KMT2C: variants seen among roughly 807,000 people sequenced by gnomAD.
KMT2C encodes the protein lysine methyltransferase 2C.
In KMT2C, 88 loss-of-function variants were observed where a neutral mutation model predicts 507.9. The ratio of observed to expected loss-of-function variants is 0.17; its 90% CI spans 0.15 to 0.21. The LOEUF (loss-of-function observed/expected upper bound fraction) is 0.21. Ranked by LOEUF, KMT2C falls within the 10% of genes least tolerant of loss-of-function variation. The pLI, the probability that KMT2C is intolerant of heterozygous loss-of-function variation, is 1.00. For synonymous variants in KMT2C, 2,049 were observed against 2,080.8 expected (o/e 0.98, Z 0.42); for missense variants, 4,954 against 5,957.8 (o/e 0.83, Z 5.55).
intron 6 of KMT2C, among the ~76,000 whole-genome samples, chr7:152,284,332 G>A (rs1363121416): frequency 2.6e-5 from 4 of 151,982 alleles, no homozygotes; most frequent in African/African-American, 9.7e-5. Flanking sequence ...TTGACCAAGG[G>A]GCCAAGATAA....
intron 31 of KMT2C, among the ~76,000 whole-genome samples, chr7:152,191,435 T>C (rs1329671453): frequency 2.0e-5 from 3 of 152,236 alleles, no homozygotes; most frequent in Non-Finnish European, 4.4e-5. Flanking sequence ...AGCACAGTCC[T>C]ACTTGTTCTA....
intron 7 of KMT2C, among the ~76,000 whole-genome samples, chr7:152,273,421 C>T (rs1218635886): frequency 2.6e-5 from 4 of 152,058 alleles, no homozygotes; most frequent in Non-Finnish European, 5.9e-5. Context: ...TGCATAGTCC[C>T]TATTTACATC....
chr7:152,176,153 C>A, intron 38 of KMT2C, 38 bp downstream of exon 38: 2 of 1,526,054 alleles, frequency 1.3e-6, no homozygotes, highest in South Asian at 2.6e-5. Context: ...ACTCTAATAC[C>A]CATAGTAATA....
intron 1 of KMT2C, among the ~76,000 whole-genome samples, chr7:152,389,297 C>T (rs1284544660): frequency 6.9e-6 from 1 of 144,146 alleles, no homozygotes; most frequent in East Asian, 2.0e-4. Context: ...CCTGGGAGGC[C>T]GAGACTGCAG....
rs1191272660 is a variant in KMT2C at position 152,176,859 on chromosome 7, C to G, written c.8594G>C (p.Gly2865Ala). Residue 2865 changes from glycine to alanine, a missense_variant, in exon 38 of 59, where the codon GGA (glycine) becomes GCA (alanine). Around this residue, in one of 29 missense-constraint regions of KMT2C, gnomAD observed 1,689 missense variants for 1,654.3 expected, o/e 1.02. Coordinates refer to ENST00000262189, the MANE Select transcript of KMT2C (RefSeq NM_170606.3). ...ACAAGGATGCAAAGAAGTCTTTTCT[C>G]CATCATTTAGGTCTGAGTGAGCAGA... ...QASAHSDLND[G>A]EKTSLHPCDP... 6.2e-7 allele frequency: 1 copy of G among 1,614,158 alleles called. No homozygotes were observed. The highest frequency in any genetic ancestry group is 8.5e-7 in the Non-Finnish European group (1 of 1,180,018).
chr7:152,137,900 TGG>T (rs1329601989), intron 58 of KMT2C: 2 of 152,214 alleles, frequency 1.3e-5, no homozygotes, highest in African/African-American at 4.8e-5. Flanking sequence ...TAACGGGCCT[TGG>T]GTCTAGTCGG....
chr7:152,330,069 G>T lies in KMT2C; in HGVS notation c.389+532C>A, dbSNP rs182684158. Among the ~76,000 whole-genome samples the T allele has an allele frequency of 7.7e-3, 1,111 of 144,380 alleles. 16 individuals are homozygous for T. Among genetic ancestry groups the T allele is most frequent in the African/African-American group, 0.027 (1,070 of 39,196 alleles). 94.7% of individuals were successfully genotyped at this position (144,380 alleles called of 152,430 possible). On this transcript the variant is annotated intron_variant, in intron 3 of 58. Coordinates refer to ENST00000262189, the MANE Select transcript of KMT2C (RefSeq NM_170606.3). Reference sequence around the variant, plus strand: ...TGAGGCAGAAGACTCTCTTGAACCAGGGAATTGGAGGTTGCAGTGAGCTGA... The same window carrying T: ...TGAGGCAGAAGACTCTCTTGAACCATGGAATTGGAGGTTGCAGTGAGCTGA...
chr7:152,180,179 T>A, intron 36 of KMT2C, 53 bp from the exon 37 acceptor site: 2 of 1,581,812 alleles, frequency 1.3e-6, no homozygotes, highest in South Asian at 1.1e-5. Context: ...AATGGCTTTT[T>A]AAAGGTTACT....
intron 2 of KMT2C, among the ~76,000 whole-genome samples, chr7:152,331,527 C>G (rs902983433): frequency 1.3e-5 from 2 of 151,436 alleles, no homozygotes; most frequent in African/African-American, 2.4e-5. Context: ...GAGAATCAAT[C>G]AAGCCCCGGC....
rs61730538 is a variant in KMT2C, at chr7:152,182,499, T to C, written c.5361A>G (p.Gln1787=). ...GCACCAGAAGATGCTGAGAACCAAA[T>C]TGCTGTTGTTGCTGCTGCTGCTGCT... ...KNEQQQQQQQ[Q]FGSQHLLVQS... is the part of the protein sequence containing the mutation. Residue 1787 remains glutamine, a synonymous_variant, in exon 36 of 59, where the codon CAA becomes CAG. Coordinates refer to ENST00000262189, the MANE Select transcript of KMT2C (RefSeq NM_170606.3). The C allele has an allele frequency of 5.4e-3, 8,713 of 1,613,982 alleles. 399 individuals carry two copies. In the African/African-American group the frequency reaches 0.1, roughly 19 times the overall value.
At chr7:152,192,353 C>G (rs1441488042) in intron 31 of KMT2C, among the ~76,000 whole-genome samples, 2 of 151,810 alleles carry the variant, frequency 1.3e-5, no homozygotes, top group African/African-American at 4.8e-5. Flanking sequence ...CCAGCCTGAC[C>G]AAGATGGTGA....
At chr7:152,149,370 G>A (rs907997784) in intron 51 of KMT2C, among the ~76,000 whole-genome samples, 8 of 152,124 alleles carry the variant, frequency 5.3e-5, no homozygotes, top group Non-Finnish European at 7.4e-5. Context: ...CAGCTGTGCC[G>A]CGTCCTTTCG....
intron 6 of KMT2C, among the ~76,000 whole-genome samples, chr7:152,278,522 G>A (rs1167398499): frequency 1.3e-5 from 2 of 150,810 alleles, no homozygotes; most frequent in African/African-American, 4.9e-5. Flanking sequence ...CTGCAGAATC[G>A]TGAGCCAATT....
At chr7:152,432,912 TGAG>T (rs2097877046) in intron 1 of KMT2C, among the ~76,000 whole-genome samples, 1 of 151,984 alleles carries the variant, frequency 6.6e-6, no homozygotes, top group Non-Finnish European at 1.5e-5. Flanking sequence ...TTTGGGAGGC[TGAG>T]GAGAGTGGAT....
chr7:152,422,101 T>C (rs2097780661), intron 1 of KMT2C, among the ~76,000 whole-genome samples: 1 of 152,044 alleles, frequency 6.6e-6, no homozygotes, highest in African/African-American at 2.4e-5. Flanking sequence ...TACTCTCCTC[T>C]TCACCCAAAA....
At chr7:152,169,376 T>G in intron 40 of KMT2C, 127 bp from the exon 41 acceptor site, 1 of 630,136 alleles carries the variant, frequency 1.6e-6, no homozygotes, top group Non-Finnish European at 2.8e-6. Context: ...AGATATCTTT[T>G]AAAGGTTTTT....
chr7:152,289,123 G>C (rs1350710581), intron 6 of KMT2C, among the ~76,000 whole-genome samples: 1 of 152,268 alleles, frequency 6.6e-6, no homozygotes, highest in Non-Finnish European at 1.5e-5. Flanking sequence ...TAAAAATATG[G>C]GCAATAAAAC....
intron 38 of KMT2C, among the ~76,000 whole-genome samples, chr7:152,174,939 A>AC (rs1425528757): frequency 1.3e-5 from 2 of 152,248 alleles, no homozygotes; most frequent in East Asian, 3.8e-4. Context: ...ACACAAAAGG[A>AC]CAGTAAGAAG....
At chr7:152,249,673 C>CAAAAAAAAAAAAAAAAAAAAA (rs1183345172) in intron 13 of KMT2C, among the ~76,000 whole-genome samples, 4 of 34,516 alleles carry the variant, frequency 1.2e-4, no homozygotes, top group East Asian at 2.3e-3. Context: ...CTCCCCCCTC[C>CAAAAAAAAAAAAAAAAAAAAA]AAAAAAAAAA....
Sources: gnomAD v4.1 joint callset for allele counts (sites outside exome capture counted in the v4.1 genomes callset) on GRCh38, gnomAD v4.1.1 for gene constraint, gnomAD v4.1.1 regional missense constraint, MANE v1.5 for transcripts, NCBI Gene and HGNC (gene_info 2026-07-23, HGNC 2026-07-21) for gene names.